BLOC1S3: variants seen among roughly 807,000 people sequenced by gnomAD.
BLOC1S3 encodes biogenesis of lysosomal organelles complex 1 subunit 3, also known as biogenesis of lysosome-related organelles complex 1 subunit 3.
Under a neutral mutation model 9.1 loss-of-function variants are expected in BLOC1S3, and 7 were observed. That is an observed-to-expected ratio of 0.77 (90% CI 0.44 to 1.45). The LOEUF (loss-of-function observed/expected upper bound fraction) is 1.45, where lower values mean the gene tolerates loss of function less well. BLOC1S3 is among the 40% of genes most tolerant of loss of function. BLOC1S3 has a pLI of 0.01. For missense variants in BLOC1S3, 307 were observed against 315.2 expected (o/e 0.97, Z 0.20); for synonymous variants, 145 against 158.4 (o/e 0.92, Z 0.64).
In BLOC1S3 at chr19:45,179,540, C is replaced by G. The variant is rs764202050; in HGVS notation, c.244C>G (p.Pro82Ala). ...GACGGCCGCGCCGAGGGACCTGCCT[C>G]CACTCGTGGTGCAGCGGGAATCGGC... ...EPTAAPRDLP[P>A]LVVQRESAEE... Residue 82 changes from proline to alanine, a missense_variant, in exon 2 of 2, where the codon CCA becomes GCA. Transcript: ENST00000433642. This position sits in a 1 kb window ranked among gnomAD's most constrained non-coding sequence, Gnocchi z 4.6. 1 of 1,522,568 alleles carries G rather than the reference C, an allele frequency of 6.6e-7. No homozygotes were observed. The highest frequency in any genetic ancestry group is 1.2e-5 in the South Asian group (1 of 82,650). The allele number at this position is 1,522,568 out of a possible 1,614,324, so 94.3% of individuals were successfully genotyped here.
chr19:45,200,339 G>A (rs1297502911), intron 2 of BLOC1S3, among the ~76,000 whole-genome samples: 1 of 151,856 alleles, frequency 6.6e-6, no homozygotes, highest in Non-Finnish European at 1.5e-5. Flanking sequence ...CTACCACCAC[G>A]CCTGGCTAAT....
rs34965337 is a variant in BLOC1S3, at chr19:45,180,235, A to ATTTTTTTTTTTTTTTTTTTTTTTT, written c.*331_*354dup. 2 of 90,224 alleles carry ATTTTTTTTTTTTTTTTTTTTTTTT rather than the reference A, an allele frequency of 2.2e-5. No individual in the cohort carries two copies. The highest frequency in any genetic ancestry group is 1.1e-4 in the African/African-American group (2 of 17,848). The allele number at this position is 90,224 out of a possible 1,614,324, so 5.6% of individuals were successfully genotyped here. A position where few individuals can be genotyped will look rare whatever the true frequency, so the allele number is the denominator to read the frequency against. On this transcript the variant is annotated 3_prime_UTR_variant, in exon 2 of 2. Transcript: ENST00000433642. ...CTGTTTCCACCCTGGGGGCTCACCA[A>ATTTTTTTTTTTTTTTTTTTTTTTT]TTTTTTTTTTTTTTTTTTTTTTTTG... is the stretch of plus-strand genomic sequence containing the variant.
At chr19:45,206,800 C>A (rs1186644846) in intron 3 of BLOC1S3, among the ~76,000 whole-genome samples, 1 of 151,634 alleles carries the variant, frequency 6.6e-6, no homozygotes, top group Admixed American at 6.6e-5. Flanking sequence ...CATTTTATCT[C>A]TTTTGTAGGC....
At chr19:45,216,801 T>G (rs1969840021) in exon 4 of BLOC1S3, 1 of 152,096 alleles carries the variant, frequency 6.6e-6, no homozygotes, top group Non-Finnish European at 1.5e-5. Context: ...CTTTCTTACA[T>G]CTGCATGTGA....
downstream of BLOC1S3, among the ~76,000 whole-genome samples, chr19:45,183,606 T>C (rs556801780): frequency 5.6e-4 from 84 of 150,602 alleles, no homozygotes; most frequent in Non-Finnish European, 1.1e-3. Context: ...ACTTCCCTTT[T>C]CTTTTTCTTT....
In BLOC1S3 at chr19:45,198,355, G is replaced by A. The variant is rs111461102; in HGVS notation, n.181-4051G>A. ...CCCAGGCTCTGGAGTGCAGTGGTGC[G>A]AGCTCGGCTCACTGCAACCTCCGCC... is the stretch of plus-strand genomic sequence containing the variant. On this transcript the variant is annotated intron_variant and non_coding_transcript_variant, in intron 2 of 3. Coordinates refer to the BLOC1S3 transcript ENST00000591569. Among the ~76,000 whole-genome samples, 1,191 of 152,168 alleles carry A rather than the reference G, an allele frequency of 7.8e-3. 17 individuals carry two copies. The highest frequency in any genetic ancestry group is 0.027 in the African/African-American group (1,132 of 41,522).
chr19:45,187,650 C>G (rs192502404), exon 2 of BLOC1S3: 1 of 152,210 alleles, frequency 6.6e-6, no homozygotes, highest in African/African-American at 2.4e-5. Flanking sequence ...GTGAGAATGT[C>G]GCCAGAGTGA....
intron 3 of BLOC1S3, among the ~76,000 whole-genome samples, chr19:45,205,067 A>G (rs1330556078): frequency 6.6e-6 from 1 of 152,078 alleles, no homozygotes; most frequent in Non-Finnish European, 1.5e-5. Context: ...CCATACTAAT[A>G]ATTGCATTGA....
chr19:45,214,607 GGAGTGTGCCATCACAC>G (rs1324329933), intron 3 of BLOC1S3, among the ~76,000 whole-genome samples: 2 of 152,000 alleles, frequency 1.3e-5, no homozygotes, highest in Admixed American at 1.3e-4. Flanking sequence ...TGGGATTACA[GGAGTGTGCCATCACAC>G]CTGGCTAATT....
In BLOC1S3 at chr19:45,179,383, C is replaced by G. The variant is rs780816357; in HGVS notation, c.87C>G (p.Arg29=). 10 of 1,580,550 alleles carry G rather than the reference C, an allele frequency of 6.3e-6. No homozygotes were observed. The highest frequency in any genetic ancestry group is 8.5e-6 in the Non-Finnish European group (10 of 1,171,486). Residue 29 remains arginine, a synonymous_variant, in exon 2 of 2, where the codon CGC becomes CGG. Transcript: ENST00000433642. The surrounding 1 kb of genome is among the most constrained non-coding windows in gnomAD (Gnocchi z 4.6). ...PGEATETDSE[R]SASSSEEEEL... is the part of the protein sequence containing the mutation. ...AGGCGACCGAGACGGATTCCGAGCG[C>G]TCTGCGTCCTCGTCGGAGGAGGAGG...
intron 2 of BLOC1S3, among the ~76,000 whole-genome samples, chr19:45,189,311 C>A (rs188113987): frequency 1.3e-5 from 2 of 152,340 alleles, no homozygotes; most frequent in East Asian, 1.9e-4. Flanking sequence ...TGTGCCACTG[C>A]ACCCAGCCAG....
chr19:45,186,878 T>TAGTAGAGA (rs1969569701), upstream of BLOC1S3, among the ~76,000 whole-genome samples: 1 of 152,230 alleles, frequency 6.6e-6, no homozygotes, highest in Non-Finnish European at 1.5e-5. Context: ...CTCTGGGCTG[T>TAGTAGAGA]CCTCTAAGCT....
chr19:45,188,954 A>T (rs1599750711), intron 2 of BLOC1S3, among the ~76,000 whole-genome samples: 2 of 151,690 alleles, frequency 1.3e-5, no homozygotes, highest in African/African-American at 4.9e-5. Context: ...TGCTCACTGC[A>T]ACCTCTGCCT....
intron 2 of BLOC1S3, among the ~76,000 whole-genome samples, chr19:45,194,794 T>C (rs60286743): frequency 0.16 from 25,021 of 152,020 alleles, 2,490 homozygotes; most frequent in African/African-American, 0.25. Flanking sequence ...CAGCAGTTAA[T>C]TGGGGAGGAG....
In BLOC1S3 at chr19:45,179,275, T is replaced by C. The variant is rs1360433860; in HGVS notation, c.-9-13T>C. ...CCGGTCTCACGTGCAGTCCCTTCGC[T>C]CTTCTCCCCTAGTTCGGTGCCATGG... On this transcript the variant is annotated splice_polypyrimidine_tract_variant and intron_variant, in intron 1 of 1. Coordinates refer to ENST00000433642, the MANE Select transcript of BLOC1S3 (RefSeq NM_212550.5). The surrounding 1 kb of genome is among the most constrained non-coding windows in gnomAD (Gnocchi z 4.6). 2.6e-6 allele frequency: 4 copies of C among 1,558,730 alleles called. No homozygotes were observed. The East Asian group carries it at 7.1e-5, about 28-fold the overall frequency.
intron 3 of BLOC1S3, among the ~76,000 whole-genome samples, chr19:45,215,820 C>A (rs1364388302): frequency 1.3e-5 from 2 of 152,198 alleles, no homozygotes; most frequent in Non-Finnish European, 2.9e-5. Context: ...CAGCCCTGCG[C>A]CCCCCTGCCC....
At chr19:45,212,948 TA>T in intron 3 of BLOC1S3, 1 of 1,184,132 alleles carries the variant, frequency 8.4e-7, no homozygotes, top group Non-Finnish European at 1.1e-6. Flanking sequence ...AAAAGACATC[TA>T]AGGGTCTTTC....
At chr19:45,203,466 G>T (rs2122929925) in intron 3 of BLOC1S3, among the ~76,000 whole-genome samples, 1 of 152,148 alleles carries the variant, frequency 6.6e-6, no homozygotes, top group East Asian at 1.9e-4. Flanking sequence ...TAGAGACGGG[G>T]TTTCACCATG....
chr19:45,216,228 C>T, intron 3 of BLOC1S3: 2 of 1,609,246 alleles, frequency 1.2e-6, no homozygotes, highest in Non-Finnish European at 1.7e-6. Flanking sequence ...GTCACACCCT[C>T]CCAAGATTGA....
Sources: allele counts gnomAD v4.1 joint callset (sites outside exome capture counted in the v4.1 genomes callset), GRCh38; gene constraint gnomAD v4.1.1; non-coding constraint Gnocchi (gnomAD v3.1); transcripts MANE v1.5; gene names NCBI Gene and HGNC (gene_info 2026-07-23, HGNC 2026-07-21).